L3MBTL4: variants seen among roughly 807,000 people sequenced by gnomAD.
L3MBTL4 encodes lethal(3)malignant brain tumor-like protein 4.
L3MBTL4 carries 70 observed loss-of-function variants against 84.5 expected under a neutral mutation model. The observed-to-expected ratio is 0.83, with a 90% CI of 0.68 to 1.01. The LOEUF is 1.01. L3MBTL4 is among the 50% of genes least tolerant of loss of function. L3MBTL4 has a pLI of 0.00. For missense variants in L3MBTL4, 715 were observed against 754.8 expected (o/e 0.95, Z 0.62); for synonymous variants, 274 against 259.8 (o/e 1.05, Z -0.52).
At chr18:6,227,922 C>A (rs1391135326) in intron 10 of L3MBTL4, among the ~76,000 whole-genome samples, 3 of 152,156 alleles carry the variant, frequency 2.0e-5, no homozygotes, top group Admixed American at 2.0e-4. Flanking sequence ...CTGCCTTGGC[C>A]TCCCAAGATG....
intron 13 of L3MBTL4, among the ~76,000 whole-genome samples, chr18:6,153,595 T>G (rs530663611): frequency 6.6e-6 from 1 of 152,202 alleles, no homozygotes; most frequent in Admixed American, 6.5e-5. Flanking sequence ...AGTTTCTTTG[T>G]AGACTCTTTA....
intron 1 of L3MBTL4, among the ~76,000 whole-genome samples, chr18:6,321,422 G>C (rs1447871775): frequency 2.6e-5 from 4 of 152,052 alleles, no homozygotes; most frequent in Non-Finnish European, 5.9e-5. Flanking sequence ...ATAGATGTTG[G>C]TGTGGATGTG....
intron 14 of L3MBTL4, among the ~76,000 whole-genome samples, chr18:6,110,891 T>A (rs1188425767): frequency 6.6e-6 from 1 of 152,124 alleles, no homozygotes; most frequent in Non-Finnish European, 1.5e-5. Context: ...TGTGTGTTCG[T>A]GGAATTTTGT....
chr18:5,988,875 A>G (rs1214831416), intron 16 of L3MBTL4, among the ~76,000 whole-genome samples: 3 of 152,176 alleles, frequency 2.0e-5, no homozygotes, highest in Admixed American at 1.3e-4. Context: ...TTGAGACACC[A>G]TAGCTTAGAG....
At chr18:6,333,199 G>A (rs1047198995) in intron 1 of L3MBTL4, among the ~76,000 whole-genome samples, 1 of 152,060 alleles carries the variant, frequency 6.6e-6, no homozygotes, top group Non-Finnish European at 1.5e-5. Flanking sequence ...TTCAAGGGTA[G>A]GAATCAATAA....
At chr18:6,203,224 A>G (rs2604595) in intron 12 of L3MBTL4, among the ~76,000 whole-genome samples, 2 of 151,442 alleles carry the variant, frequency 1.3e-5, no homozygotes, top group African/African-American at 2.5e-5. Flanking sequence ...CACAGAATGT[A>G]TGATAATAAT....
intron 4 of L3MBTL4, among the ~76,000 whole-genome samples, chr18:6,283,352 CATATT>C (rs1445375546): frequency 6.6e-6 from 1 of 152,090 alleles, no homozygotes; most frequent in East Asian, 1.9e-4. Flanking sequence ...TTGTGAGAAA[CATATT>C]GTACTATTTC....
intron 16 of L3MBTL4, among the ~76,000 whole-genome samples, chr18:5,985,893 G>T (rs948229): frequency 0.43 from 65,342 of 151,858 alleles, 14,274 homozygotes; most frequent in East Asian, 0.58. Flanking sequence ...ATTCAAAGGA[G>T]GTATTTTGTG....
chr18:6,316,381 G>A (rs2051099984), intron 1 of L3MBTL4, among the ~76,000 whole-genome samples: 1 of 152,210 alleles, frequency 6.6e-6, no homozygotes, highest in African/African-American at 2.4e-5. Context: ...TAGGACAAAA[G>A]AGTCTGGATA....
chr18:6,128,011 G>T (rs1013172896), intron 14 of L3MBTL4, among the ~76,000 whole-genome samples: 10 of 116,768 alleles, frequency 8.6e-5, no homozygotes, highest in Non-Finnish European at 1.6e-4. Flanking sequence ...AACCAAAAAC[G>T]AATCAAAACA....
chr18:6,303,376 C>T (rs1487383857), intron 3 of L3MBTL4, among the ~76,000 whole-genome samples: 1 of 152,120 alleles, frequency 6.6e-6, no homozygotes, highest in East Asian at 1.9e-4. Flanking sequence ...CCACCTCGGC[C>T]TCCCAAAGTG....
In L3MBTL4 at chr18:6,318,075, A is replaced by G. The variant is rs546344247; in HGVS notation, c.-90-6019T>C. On this transcript the variant is annotated intron_variant, in intron 1 of 18. Transcript: ENST00000317931. ...TGCCGAGGGAATTTGTCAGTACCCC[A>G]GACCAGCCCTACGAGAAAGGTTAAA... is the stretch of plus-strand genomic sequence containing the variant. Among the ~76,000 whole-genome samples, 82 of 152,288 alleles carry G rather than the reference A, an allele frequency of 5.4e-4. 2 individuals carry two copies. In the South Asian group the frequency reaches 0.017, roughly 31 times the overall value.
intron 16 of L3MBTL4, among the ~76,000 whole-genome samples, chr18:5,985,304 A>G (rs1369086390): frequency 1.3e-5 from 2 of 152,210 alleles, no homozygotes; most frequent in Non-Finnish European, 2.9e-5. Context: ...TGGAGGTAAC[A>G]TAATGTTGCA....
chr18:6,089,627 C>A (rs2058374125), intron 15 of L3MBTL4, among the ~76,000 whole-genome samples: 1 of 152,120 alleles, frequency 6.6e-6, no homozygotes, highest in Non-Finnish European at 1.5e-5. Context: ...CAGACACTAC[C>A]TAACCTCTCT....
chr18:6,057,702 T>G (rs1243680416), intron 16 of L3MBTL4, among the ~76,000 whole-genome samples: 1 of 152,026 alleles, frequency 6.6e-6, no homozygotes, highest in Non-Finnish European at 1.5e-5. Flanking sequence ...TAAAAAATAA[T>G]GAACGAGGGA....
At chr18:6,006,156 T>C (rs59614416) in intron 16 of L3MBTL4, among the ~76,000 whole-genome samples, 7,416 of 152,302 alleles carry the variant, frequency 0.049, 203 homozygotes, top group South Asian at 0.074. Flanking sequence ...AGAAATATGG[T>C]TCCCATTAGT....
intron 16 of L3MBTL4, among the ~76,000 whole-genome samples, chr18:6,067,696 T>TAA (rs59467514): frequency 4.0e-5 from 6 of 150,932 alleles, no homozygotes; most frequent in African/African-American, 1.2e-4. Context: ...ATCCTAAATT[T>TAA]AAAAAAAAAA....
intron 13 of L3MBTL4, among the ~76,000 whole-genome samples, chr18:6,168,449 A>T (rs926986367): frequency 3.3e-5 from 5 of 152,140 alleles, no homozygotes; most frequent in Non-Finnish European, 5.9e-5. Flanking sequence ...TACAGTAACC[A>T]AAACAGCATG....
intron 1 of L3MBTL4, among the ~76,000 whole-genome samples, chr18:6,315,681 C>T (rs796651595): frequency 2.6e-5 from 4 of 152,244 alleles, no homozygotes; most frequent in African/African-American, 9.6e-5. Context: ...GAAACTTAAC[C>T]ACTCAGTACG....
Sources: allele counts gnomAD v4.1 joint callset (sites outside exome capture counted in the v4.1 genomes callset), GRCh38; gene constraint gnomAD v4.1.1; transcripts MANE v1.5; gene names NCBI Gene and HGNC (gene_info 2026-07-23, HGNC 2026-07-21).